MAST3: variants seen among roughly 807,000 people sequenced by gnomAD.
The protein encoded by MAST3 is microtubule associated serine/threonine kinase 3, also known as microtubule-associated serine/threonine-protein kinase 3.
MAST3 carries 43 observed loss-of-function variants against 127.0 expected under a neutral mutation model. The observed-to-expected ratio is 0.34, with a 90% CI of 0.27 to 0.44. The LOEUF (loss-of-function observed/expected upper bound fraction) is 0.44, where lower values mean the gene tolerates loss of function less well. Among genes scored for constraint, MAST3 ranks in the 20% least tolerant of loss-of-function variants. MAST3 has a pLI of 1.00. For missense variants in MAST3, 1,390 were observed against 1,919.1 expected (o/e 0.72, Z 5.15); for synonymous variants, 785 against 809.2 (o/e 0.97, Z 0.51).
At chr19:18,117,014 C>T (rs1040961367) in intron 3 of MAST3, among the ~76,000 whole-genome samples, 1 of 151,174 alleles carries the variant, frequency 6.6e-6, no homozygotes, top group Non-Finnish European at 1.5e-5. Context: ...GGGCATCCCT[C>T]ATGATGACAC....
rs1406870700 is a variant in MAST3 at position 18,145,127 on chromosome 19, C to A, written c.2937C>A (p.Pro979=). The A allele has an allele frequency of 1.2e-6, 2 of 1,613,776 alleles. No individual in the cohort carries two copies. The highest frequency in any genetic ancestry group is 8.5e-7 in the Non-Finnish European group (1 of 1,179,878). ...PSPVCGSLRP[P]IVIHSSGKKY... ...CCGTGTGTGGCAGCCTGCGGCCCCC[C>A]ATCGTTATCCACAGCTCTGGCAAGA... The change falls in exon 24 of 28, where the codon CCC becomes CCA. Residue 979 remains proline (P), a synonymous_variant. Transcript: ENST00000687212. This position sits in a 1 kb window ranked among gnomAD's most constrained non-coding sequence, Gnocchi z 5.9.
At position 18,151,078 on chromosome 19, in the gene MAST3, A is replaced by G. The variant is rs2043494285; in HGVS notation, c.*1352A>G. ...AACACCTGTTAGGGGTTCCCTCCAT[A>G]TGTCAGAGCCTCTCTGGGATGAAGT... On this transcript the variant is annotated 3_prime_UTR_variant, in exon 28 of 28. Coordinates refer to ENST00000687212, the MANE Select transcript of MAST3 (RefSeq NM_001393504.1). 1 of 152,194 alleles carries G rather than the reference A, an allele frequency of 6.6e-6. No individual in the cohort carries two copies. The highest frequency in any genetic ancestry group is 2.4e-5 in the African/African-American group (1 of 41,524). 9.4% of individuals were successfully genotyped at this position (152,194 alleles called of 1,614,324 possible).
chr19:18,129,175 A>G, intron 13 of MAST3: 1 of 566,356 alleles, frequency 1.8e-6, no homozygotes, highest in South Asian at 2.1e-5. Flanking sequence ...TACCTGCCCC[A>G]GGTGTAGGGC....
In MAST3 at chr19:18,124,397, G is replaced by A. The variant is rs1364326757; in HGVS notation, c.945+31G>A. The A allele has an allele frequency of 3.2e-6, 5 of 1,559,700 alleles. No individual in the cohort carries two copies. In the African/African-American group the frequency reaches 5.4e-5, roughly 17 times the overall value. The stretch of plus-strand genomic sequence containing the variant: ...TTTCTCTTTCTACGGCCAGCTTGGG[G>A]TCCAGGCAGAACTGAGATTGGGACC... On this transcript the variant is annotated intron_variant, in intron 10 of 27. Coordinates refer to ENST00000687212, the MANE Select transcript of MAST3 (RefSeq NM_001393504.1).
chr19:18,128,919 G>C lies in MAST3; in HGVS notation c.1191G>C (p.Glu397Asp). ...GGAAGCCATGCGAAAGCGACTTTGA[G>C]ACCATCAAACTCATTAGCAACGGAG... ...SRRKPCESDF[E>D]TIKLISNGAY... The change falls in exon 13 of 28, where the codon GAG (glutamate) becomes GAC (aspartate). Residue 397 changes from glutamate to aspartate, a missense_variant. By Grantham distance (45) the Glu-to-Asp change is conservative. This residue lies in a region of MAST3 where 277 missense variants were observed against 384.8 expected (regional missense o/e 0.72). Transcript: ENST00000687212. 1.2e-6 allele frequency: 2 copies of C among 1,613,970 alleles called. No individual in the cohort carries two copies. The highest frequency in any genetic ancestry group is 1.7e-6 in the Non-Finnish European group (2 of 1,179,902).
At chr19:18,124,237 G>A in intron 9 of MAST3, 28 bp from the exon 10 acceptor site, 1 of 1,593,854 alleles carries the variant, frequency 6.3e-7, no homozygotes, top group Non-Finnish European at 8.5e-7. Flanking sequence ...GAGGACCTGT[G>A]GGTGATGCCA....
rs2042888430 is a variant in MAST3 at position 18,144,995 on chromosome 19, C to G, written c.2813-8C>G. 1 of 1,422,244 alleles carries G rather than the reference C, an allele frequency of 7.0e-7. No homozygotes were observed. The highest frequency in any genetic ancestry group is 1.4e-5 in the African/African-American group (1 of 71,220). 88.1% of individuals were successfully genotyped at this position (1,422,244 alleles called of 1,614,324 possible). ...GGAGTGAGTGACCCCCTCCCTAACC[C>G]CCTGCAGATGATGGCAGCGGCGGCC... On this transcript the variant is annotated splice_region_variant and splice_polypyrimidine_tract_variant and intron_variant, in intron 23 of 27. Coordinates refer to ENST00000687212, the MANE Select transcript of MAST3 (RefSeq NM_001393504.1). The surrounding 1 kb of genome is among the most constrained non-coding windows in gnomAD (Gnocchi z 4.0).
At position 18,130,570 on chromosome 19, in the gene MAST3, C is replaced by T; in HGVS notation, c.1300C>T (p.Leu434=). 6.2e-7 allele frequency: 1 copy of T among 1,613,198 alleles called. No individual in the cohort carries two copies. The highest frequency in any genetic ancestry group is 8.5e-7 in the Non-Finnish European group (1 of 1,179,556). ...GAAGATCAACAAACAGAACTTGATC[C>T]TGCGTAACCAGATCCAGCAGGTCTT... ...IKKINKQNLI[L]RNQIQQVFVE... is the part of the protein sequence containing the mutation. Residue 434 remains leucine, a synonymous_variant, in exon 14 of 28, where the codon CTG becomes TTG. Coordinates refer to ENST00000687212, the MANE Select transcript of MAST3 (RefSeq NM_001393504.1).
rs369452096 is a variant in MAST3, at chr19:18,145,811, C to T, written c.3108C>T (p.Asn1036=). The change falls in exon 25 of 28, where the codon AAC becomes AAT. Residue 1036 remains asparagine, a synonymous_variant. Coordinates refer to ENST00000687212, the MANE Select transcript of MAST3 (RefSeq NM_001393504.1). The surrounding 1 kb of genome is among the most constrained non-coding windows in gnomAD (Gnocchi z 5.9). The stretch of plus-strand genomic sequence containing the variant: ...CTGGGGACCTCATCACCCACATCAA[C>T]GGGGAGTCAGTGCTGGGGCTGGTGC... ...LRAGDLITHI[N]GESVLGLVHM... is the part of the protein sequence containing the mutation. 2.3e-5 allele frequency: 36 copies of T among 1,593,476 alleles called. No homozygotes were observed. The highest frequency in any genetic ancestry group is 2.8e-5 in the Non-Finnish European group (33 of 1,172,954).
In MAST3 at chr19:18,121,670, CT is replaced by C. The variant is rs1303076075; in HGVS notation, c.162-11del. On this transcript the variant is annotated splice_polypyrimidine_tract_variant and intron_variant, in intron 3 of 27. Coordinates refer to ENST00000687212, the MANE Select transcript of MAST3 (RefSeq NM_001393504.1). ...CCTGGGCAGCCACCTACCCTGTCCC[CT>C]TTTCCCCCCACAGCTGCCGCAGCGG... The C allele has an allele frequency of 5.0e-6, 8 of 1,612,220 alleles. No homozygotes were observed. The highest frequency in any genetic ancestry group is 1.3e-5 in the African/African-American group (1 of 74,926).
Position 18,150,354 on chromosome 19 carries a change from C to T in MAST3, c.*628C>T, listed in dbSNP as rs1433008108. On this transcript the variant is annotated 3_prime_UTR_variant, in exon 28 of 28. Transcript: ENST00000687212. ...CCTGAAGGCGGCTGCCAGGTCTTGC[C>T]CCAGGCACCTGGGACTCTGTTTGCA... The T allele has an allele frequency of 6.6e-6, 1 of 152,352 alleles. No individual in the cohort carries two copies. Among genetic ancestry groups the T allele is most frequent in the East Asian group, 1.9e-4 (1 of 5,204 alleles). 9.4% of individuals were successfully genotyped at this position (152,352 alleles called of 1,614,324 possible).
Position 18,144,984 on chromosome 19 carries a change from C to A in MAST3, c.2813-19C>A, listed in dbSNP as rs2042886294. On this transcript the variant is annotated intron_variant, in intron 23 of 27. Coordinates refer to ENST00000687212, the MANE Select transcript of MAST3 (RefSeq NM_001393504.1). The surrounding 1 kb of genome is among the most constrained non-coding windows in gnomAD (Gnocchi z 4.0). ...AGACCTGTGAGGGAGTGAGTGACCCCCTCCCTAACCCCCTGCAGATGATGG... is the reference window on the plus strand; with the variant it reads ...AGACCTGTGAGGGAGTGAGTGACCCACTCCCTAACCCCCTGCAGATGATGG... 2.4e-6 allele frequency: 3 copies of A among 1,272,886 alleles called. No homozygotes were observed. In the South Asian group the frequency reaches 3.6e-5, roughly 15 times the overall value. 78.8% of individuals were successfully genotyped at this position (1,272,886 alleles called of 1,614,324 possible).
chr19:18,137,639 C>T (rs2042017988), intron 19 of MAST3, among the ~76,000 whole-genome samples: 1 of 152,178 alleles, frequency 6.6e-6, no homozygotes, highest in Admixed American at 6.5e-5. Context: ...TCTGGGGTTC[C>T]CCAGCAAGTT....
chr19:18,124,935 C>CCCA lies in MAST3; in HGVS notation c.1078+163_1078+164insACC, dbSNP rs981241865. ...AGCCTGGCCAACATGGTGGAAACCCCCCCCCTACTAAAAATACAAAAATTA... is the reference window on the plus strand; with the variant it reads ...AGCCTGGCCAACATGGTGGAAACCCCCCACCCCCTACTAAAAATACAAAAATTA... On this transcript the variant is annotated intron_variant, in intron 11 of 27. Coordinates refer to ENST00000687212, the MANE Select transcript of MAST3 (RefSeq NM_001393504.1). 3.8e-4 allele frequency among the ~76,000 whole-genome samples: 52 copies of CCCA among 137,056 alleles called. 1 individual carries two copies. The highest frequency in any genetic ancestry group is 1.3e-3 in the African/African-American group (49 of 36,374). 89.9% of individuals were successfully genotyped at this position (137,056 alleles called of 152,430 possible). A position where few individuals can be genotyped will look rare whatever the true frequency, so the allele number is the denominator to read the frequency against.
Position 18,144,359 on chromosome 19 carries a change from G to GT in MAST3, c.2585-107_2585-106insT. ...GAGGGAACTGCATGAGCAAAGGCCA[G>GT]GAGGCTGGACTGTGTAAATAGTGAC... is the stretch of plus-strand genomic sequence containing the variant. On this transcript the variant is annotated intron_variant, in intron 22 of 27. Transcript: ENST00000687212. The surrounding 1 kb of genome is among the most constrained non-coding windows in gnomAD (Gnocchi z 4.0). The GT allele has an allele frequency of 2.0e-6, 2 of 976,934 alleles. No homozygotes were observed. Among genetic ancestry groups the GT allele is most frequent in the Non-Finnish European group, 3.1e-6 (2 of 652,636 alleles). The allele number at this position is 976,934 out of a possible 1,614,324, so 60.5% of individuals were successfully genotyped here.
intron 6 of MAST3, 119 bp downstream of exon 6, chr19:18,122,870 C>T (rs1223983971): frequency 3.7e-6 from 4 of 1,091,492 alleles, no homozygotes; most frequent in East Asian, 2.6e-5. Flanking sequence ...ATACTAGTTA[C>T]TTCCTCCATG....
chr19:18,116,867 T>C (rs375133577), intron 3 of MAST3, among the ~76,000 whole-genome samples: 2 of 23,666 alleles, frequency 8.5e-5, no homozygotes, highest in Non-Finnish European at 8.1e-5. Context: ...AAGCTGAGAC[T>C]GCGCCATTGC....
At chr19:18,122,027 C>A in intron 5 of MAST3, 105 bp downstream of exon 5, 2 of 1,521,784 alleles carry the variant, frequency 1.3e-6, no homozygotes, top group Non-Finnish European at 1.8e-6. Context: ...ATTTCATTCA[C>A]CTTTTCCCCT....
At chr19:18,102,324 C>T (rs1341351588) in intron 1 of MAST3, among the ~76,000 whole-genome samples, 1 of 152,134 alleles carries the variant, frequency 6.6e-6, no homozygotes, top group East Asian at 1.9e-4. Flanking sequence ...GGATTACAGG[C>T]ATGCGCCACC....
Sources: gnomAD v4.1 joint callset for allele counts (sites outside exome capture counted in the v4.1 genomes callset) on GRCh38, gnomAD v4.1.1 for gene constraint, gnomAD v4.1.1 regional missense constraint, Gnocchi (gnomAD v3.1) non-coding constraint, MANE v1.5 for transcripts, NCBI Gene and HGNC (gene_info 2026-07-23, HGNC 2026-07-21) for gene names.